Variants in LDB2 observed in about 807,000 individuals in gnomAD.
The protein encoded by LDB2 is LIM domain binding 2.
A neutral mutation model predicts 44.3 loss-of-function variants in LDB2; 12 were observed. The observed-to-expected ratio is 0.27, with a 90% CI of 0.17 to 0.44. The LOEUF is 0.44. Among genes scored for constraint, LDB2 ranks in the 20% least tolerant of loss-of-function variants. LDB2 has a pLI of 1.00. For synonymous variants in LDB2, 164 were observed against 174.8 expected, an observed-to-expected ratio of 0.94 and a Z score of 0.49; for missense variants, 344 against 473.5, an observed-to-expected ratio of 0.73 and a Z score of 2.54.
chr4:16,701,558 C>T (rs1489591699), intron 2 of LDB2, among the ~76,000 whole-genome samples: 6 of 152,170 alleles, frequency 3.9e-5, no homozygotes, highest in South Asian at 4.1e-4. Flanking sequence ...GATCGTAACC[C>T]GCATTCTTGC....
intron 4 of LDB2, among the ~76,000 whole-genome samples, chr4:16,587,027 A>C (rs1276026959): frequency 6.6e-6 from 1 of 152,216 alleles, no homozygotes; most frequent in Non-Finnish European, 1.5e-5. Context: ...GTTTCATGTC[A>C]ATTTCCTAAA....
At chr4:16,743,011 C>T (rs1439367873) in intron 2 of LDB2, among the ~76,000 whole-genome samples, 1 of 152,022 alleles carries the variant, frequency 6.6e-6, no homozygotes, top group Non-Finnish European at 1.5e-5. Flanking sequence ...TTGTCAGGGC[C>T]AGGTGTGGTG....
chr4:16,857,383 G>C (rs74713018), intron 1 of LDB2, among the ~76,000 whole-genome samples: 1,808 of 152,296 alleles, frequency 0.012, 15 homozygotes, highest in Middle Eastern at 0.037. Flanking sequence ...TCTCCAGACG[G>C]ATAGCCCTGC....
intron 2 of LDB2, among the ~76,000 whole-genome samples, chr4:16,757,681 G>A (rs1311284383): frequency 1.3e-5 from 2 of 152,046 alleles, no homozygotes; most frequent in African/African-American, 2.4e-5. Context: ...GAAATTAAAC[G>A]CCATTGATCA....
At chr4:16,832,170 A>G (rs922587610) in intron 1 of LDB2, among the ~76,000 whole-genome samples, 4 of 152,222 alleles carry the variant, frequency 2.6e-5, no homozygotes, top group Non-Finnish European at 4.4e-5. Context: ...CATGTTTGCT[A>G]TGTTCTGGGT....
chr4:16,510,130 A>G (rs1348917654), intron 6 of LDB2, among the ~76,000 whole-genome samples: 1 of 152,162 alleles, frequency 6.6e-6, no homozygotes, highest in African/African-American at 2.4e-5. Flanking sequence ...AAAGCAAAGC[A>G]AGACAAAATC....
intron 2 of LDB2, among the ~76,000 whole-genome samples, chr4:16,635,395 G>T (rs544691395): frequency 4.6e-5 from 7 of 152,304 alleles, no homozygotes; most frequent in African/African-American, 1.7e-4. Context: ...ATGGTTGGGA[G>T]TCAGAGCTTG....
intron 2 of LDB2, among the ~76,000 whole-genome samples, chr4:16,601,688 G>A (rs1216833211): frequency 1.3e-5 from 2 of 152,158 alleles, no homozygotes; most frequent in African/African-American, 2.4e-5. Context: ...GTTTTATGTG[G>A]TTCTGCTAGA....
At chr4:16,666,947 T>TG (rs576140739) in intron 2 of LDB2, among the ~76,000 whole-genome samples, 54 of 151,966 alleles carry the variant, frequency 3.6e-4, no homozygotes, top group African/African-American at 1.2e-3. Flanking sequence ...TTGAACAGGG[T>TG]GGGGGAATGG....
intron 2 of LDB2, among the ~76,000 whole-genome samples, chr4:16,654,161 G>A (rs1457256942): frequency 6.6e-6 from 1 of 152,116 alleles, no homozygotes; most frequent in Admixed American, 6.5e-5. Flanking sequence ...TTGAGGGTGA[G>A]AACCTTGAAC....
intron 2 of LDB2, among the ~76,000 whole-genome samples, chr4:16,665,147 C>T (rs1453684660): frequency 1.3e-5 from 2 of 152,166 alleles, no homozygotes; most frequent in Non-Finnish European, 2.9e-5. Context: ...ACAGTGCTTT[C>T]CTTCCCCACT....
In LDB2 at chr4:16,725,242, T is replaced by TCACA. The variant is rs144411578; in HGVS notation, c.235+33912_235+33915dup. ...CTACCTCTTGTGTGCATACACAAGT[T>TCACA]CACACACACACACACACACGCACAC... On this transcript the variant is annotated intron_variant, in intron 2 of 7. Coordinates refer to ENST00000304523, the MANE Select transcript of LDB2 (RefSeq NM_001290.5). Among the ~76,000 whole-genome samples, 539 of 149,586 alleles carry TCACA rather than the reference T, an allele frequency of 3.6e-3. 1 individual carries two copies. The highest frequency in any genetic ancestry group is 0.012 in the African/African-American group (479 of 40,958).
chr4:16,886,579 C>T (rs558086150), intron 1 of LDB2, among the ~76,000 whole-genome samples: 81 of 152,228 alleles, frequency 5.3e-4, no homozygotes, highest in African/African-American at 1.8e-3. Flanking sequence ...CACAAATACT[C>T]TACATTAATA....
intron 2 of LDB2, among the ~76,000 whole-genome samples, chr4:16,618,073 G>C (rs150448404): frequency 4.9e-4 from 75 of 152,222 alleles, no homozygotes; most frequent in East Asian, 4.4e-3. Context: ...GGCCAATTCT[G>C]TTAGGCGCAC....
intron 2 of LDB2, among the ~76,000 whole-genome samples, chr4:16,651,632 G>T (rs1283442822): frequency 6.6e-6 from 1 of 151,714 alleles, no homozygotes; most frequent in Non-Finnish European, 1.5e-5. Flanking sequence ...GGAAGCTATA[G>T]AGTTTTACCC....
At chr4:16,535,707 A>ATAGT (rs1211937568) in intron 5 of LDB2, among the ~76,000 whole-genome samples, 1 of 152,224 alleles carries the variant, frequency 6.6e-6, no homozygotes, top group African/African-American at 2.4e-5. Flanking sequence ...ATAGTAAACA[A>ATAGT]TAGTAGTAGC....
intron 1 of LDB2, among the ~76,000 whole-genome samples, chr4:16,805,447 C>T (rs1331418313): frequency 6.6e-6 from 1 of 152,204 alleles, no homozygotes; most frequent in Non-Finnish European, 1.5e-5. Flanking sequence ...CACACATCCA[C>T]TTTAGAAATG....
chr4:16,690,351 A>C (rs1295238597), intron 2 of LDB2, among the ~76,000 whole-genome samples: 1 of 151,208 alleles, frequency 6.6e-6, no homozygotes, highest in Non-Finnish European at 1.5e-5. Flanking sequence ...TAATCCAGCT[A>C]CTCAGGAGGT....
chr4:16,519,216 C>G (rs889934353), intron 5 of LDB2, among the ~76,000 whole-genome samples: 1 of 152,146 alleles, frequency 6.6e-6, no homozygotes, highest in Non-Finnish European at 1.5e-5. Flanking sequence ...TAGTCTATGT[C>G]TATCCCTGGA....
Sources: gnomAD v4.1 joint callset for allele counts (sites outside exome capture counted in the v4.1 genomes callset) on GRCh38, gnomAD v4.1.1 for gene constraint, MANE v1.5 for transcripts, NCBI Gene and HGNC (gene_info 2026-07-23, HGNC 2026-07-21) for gene names.